PDLIM5: variants seen among roughly 807,000 people sequenced by gnomAD.
The protein encoded by PDLIM5 is PDZ and LIM domain 5.
In PDLIM5, 34 loss-of-function variants were observed where a neutral mutation model predicts 64.2. That is an observed-to-expected ratio of 0.53 (90% CI 0.40 to 0.71). The LOEUF (loss-of-function observed/expected upper bound fraction) is 0.71, where lower values mean the gene tolerates loss of function less well. Ranked by LOEUF, PDLIM5 falls within the 30% of genes least tolerant of loss-of-function variation. PDLIM5 has a pLI of 0.00. For missense variants in PDLIM5, 683 were observed against 733.6 expected (o/e 0.93, Z 0.80); for synonymous variants, 253 against 269.1 (o/e 0.94, Z 0.59).
chr4:94,490,315 A>G (rs1441973306), intron 2 of PDLIM5, among the ~76,000 whole-genome samples: 5 of 152,056 alleles, frequency 3.3e-5, no homozygotes. Context: ...TGCATTATAA[A>G]TATTTTAACC....
intron 2 of PDLIM5, among the ~76,000 whole-genome samples, chr4:94,485,677 C>CAA (rs796854339): frequency 1.4e-5 from 2 of 139,706 alleles, no homozygotes; most frequent in Non-Finnish European, 1.6e-5. Context: ...ACTAAAAATA[C>CAA]AAAAAAAAAA....
At chr4:94,502,057 C>T (rs1194724496) in intron 2 of PDLIM5, among the ~76,000 whole-genome samples, 1 of 152,024 alleles carries the variant, frequency 6.6e-6, no homozygotes, top group African/African-American at 2.4e-5. Context: ...CTTCATTTCT[C>T]TCCCCTTTTC....
At chr4:94,521,311 A>G (rs1277406995) in intron 2 of PDLIM5, among the ~76,000 whole-genome samples, 3 of 152,128 alleles carry the variant, frequency 2.0e-5, no homozygotes, top group Non-Finnish European at 4.4e-5. Flanking sequence ...GAAGGTAGGA[A>G]AGGTCTGTAG....
chr4:94,497,762 G>C (rs1727534335), intron 2 of PDLIM5, among the ~76,000 whole-genome samples: 1 of 152,156 alleles, frequency 6.6e-6, no homozygotes, highest in African/African-American at 2.4e-5. Context: ...CCATTAGAAT[G>C]TATATCTAAT....
intron 3 of PDLIM5, among the ~76,000 whole-genome samples, chr4:94,557,992 A>G (rs1733502724): frequency 6.6e-6 from 1 of 152,192 alleles, no homozygotes; most frequent in African/African-American, 2.4e-5. Flanking sequence ...GCCAGTTTTC[A>G]AAGGGAATGC....
At position 94,654,603 on chromosome 4, in the gene PDLIM5, C is replaced by T. The variant is rs1488951503; in HGVS notation, c.1427C>T (p.Ala476Val). Residue 476 changes from alanine (A) to valine (V), a missense_variant, in exon 10 of 13, where the codon GCC becomes GTC. Ala to Val is a moderately conservative substitution (Grantham distance 64). Coordinates refer to ENST00000317968, the MANE Select transcript of PDLIM5 (RefSeq NM_006457.5). ...GAGCTGTGCTATGAGAAATTCTTTG[C>T]CCCTGAATGTGGTCGATGCCAAAGG... ...YCELCYEKFFAPECGRCQRKI... is the reference protein window; with the variant it reads ...YCELCYEKFFVPECGRCQRKI... 1.2e-6 allele frequency: 2 copies of T among 1,612,208 alleles called. No individual in the cohort carries two copies. The highest frequency in any genetic ancestry group is 1.7e-5 in the Admixed American group (1 of 59,988).
intron 2 of PDLIM5, among the ~76,000 whole-genome samples, chr4:94,521,404 TG>T (rs1368397062): frequency 6.6e-6 from 1 of 151,914 alleles, no homozygotes; most frequent in Non-Finnish European, 1.5e-5. Context: ...AGGAGAGGAA[TG>T]GAAGGATGGA....
At chr4:94,610,226 C>T in intron 7 of PDLIM5, 5 of 1,517,704 alleles carry the variant, frequency 3.3e-6, no homozygotes, top group Non-Finnish European at 4.4e-6. Flanking sequence ...TCTACCTTCT[C>T]TTCTCCTGCT....
chr4:94,482,056 A>G (rs751215183), intron 2 of PDLIM5, among the ~76,000 whole-genome samples: 42 of 151,778 alleles, frequency 2.8e-4, no homozygotes, highest in Non-Finnish European at 5.3e-4. Flanking sequence ...CTACTTCCTT[A>G]ATAGGGTACT....
At chr4:94,557,691 A>G (rs371996098) in intron 3 of PDLIM5, among the ~76,000 whole-genome samples, 21 of 152,050 alleles carry the variant, frequency 1.4e-4, no homozygotes, top group African/African-American at 4.8e-4. Flanking sequence ...GTTCACTCAT[A>G]ATTTGGCTCT....
rs1323560765 is a variant in PDLIM5, at chr4:94,665,999, G to C, written c.*1932G>C. On this transcript the variant is annotated 3_prime_UTR_variant, in exon 13 of 13. Transcript: ENST00000317968. ...AGTGAGAAAACAGATTCTGGTATTT[G>C]ATTTGGTTTTTCTCTTTGTTTCCAG... The C allele has an allele frequency of 1.3e-6, 2 of 1,533,222 alleles. No individual in the cohort carries two copies. Among genetic ancestry groups the C allele is most frequent in the Non-Finnish European group, 8.7e-7 (1 of 1,145,352 alleles). The allele number at this position is 1,533,222 out of a possible 1,614,324, so 95.0% of individuals were successfully genotyped here.
rs567699859 is a variant in PDLIM5, at chr4:94,454,302, T to A, written c.-42-945T>A. 4.0e-5 allele frequency among the ~76,000 whole-genome samples: 6 copies of A among 151,220 alleles called. No homozygotes were observed. In the East Asian group the frequency reaches 1.2e-3, roughly 29 times the overall value. Reference sequence around the variant, plus strand: ...TTCATTCCTCTGTCTCCTGCCGTTATAACAACCAATAGGAAACTCGAAGTT... The same window carrying A: ...TTCATTCCTCTGTCTCCTGCCGTTAAAACAACCAATAGGAAACTCGAAGTT... On this transcript the variant is annotated intron_variant, in intron 1 of 12. Transcript: ENST00000317968.
intron 2 of PDLIM5, among the ~76,000 whole-genome samples, chr4:94,495,728 T>G (rs1320337659): frequency 6.6e-6 from 1 of 152,188 alleles, no homozygotes; most frequent in East Asian, 1.9e-4. Flanking sequence ...TGGCTCATGC[T>G]TTCCAGGGGG....
At chr4:94,531,895 G>A (rs7679284) in intron 3 of PDLIM5, among the ~76,000 whole-genome samples, 52,752 of 151,504 alleles carry the variant, frequency 0.35, 11,285 homozygotes, top group African/African-American at 0.61. Flanking sequence ...ATTATTTTCT[G>A]TGTGCTTTAA....
At chr4:94,526,562 C>T (rs1460583767) in intron 3 of PDLIM5, among the ~76,000 whole-genome samples, 1 of 152,170 alleles carries the variant, frequency 6.6e-6, no homozygotes, top group Non-Finnish European at 1.5e-5. Flanking sequence ...TAACAAAATT[C>T]GTAGTATAAC....
chr4:94,661,866 G>C (rs1184827366), intron 11 of PDLIM5, among the ~76,000 whole-genome samples: 1 of 151,532 alleles, frequency 6.6e-6, no homozygotes, highest in African/African-American at 2.4e-5. Flanking sequence ...TTGTCACTAG[G>C]CTGGAGTGCA....
intron 9 of PDLIM5, among the ~76,000 whole-genome samples, chr4:94,641,692 G>A (rs1367375593): frequency 6.6e-6 from 1 of 152,170 alleles, no homozygotes; most frequent in Non-Finnish European, 1.5e-5. Context: ...ACAGTATTTT[G>A]TAAGCTGCTA....
intron 7 of PDLIM5, among the ~76,000 whole-genome samples, chr4:94,611,612 T>C (rs1392063775): frequency 6.6e-6 from 1 of 152,208 alleles, no homozygotes; most frequent in Non-Finnish European, 1.5e-5. Flanking sequence ...AGTTGTTAAA[T>C]ATGAAGGTTT....
rs1742967589 is a variant in PDLIM5, at chr4:94,664,454, A to G, written c.*387A>G. 2 of 779,692 alleles carry G rather than the reference A, an allele frequency of 2.6e-6. No individual in the cohort carries two copies. The highest frequency in any genetic ancestry group is 6.2e-5 in the Admixed American group (1 of 16,030). The allele number at this position is 779,692 out of a possible 1,614,324, so 48.3% of individuals were successfully genotyped here. ...AGTAAATCTGCAAAAGGCAATGAAAATGCCTTAAATTTTATCAATAACAGA... is the reference window on the plus strand; with the variant it reads ...AGTAAATCTGCAAAAGGCAATGAAAGTGCCTTAAATTTTATCAATAACAGA... On this transcript the variant is annotated 3_prime_UTR_variant, in exon 13 of 13. Coordinates refer to ENST00000317968, the MANE Select transcript of PDLIM5 (RefSeq NM_006457.5).
Sources: gnomAD v4.1 joint callset for allele counts (sites outside exome capture counted in the v4.1 genomes callset) on GRCh38, gnomAD v4.1.1 for gene constraint, MANE v1.5 for transcripts, NCBI Gene and HGNC (gene_info 2026-07-23, HGNC 2026-07-21) for gene names.